Variants in ZDHHC13 observed in about 807,000 individuals in gnomAD.
The protein encoded by ZDHHC13 is palmitoyltransferase ZDHHC13.
ZDHHC13 carries 85 observed loss-of-function variants against 86.0 expected under a neutral mutation model. The ratio of observed to expected loss-of-function variants is 0.99; its 90% confidence interval spans 0.83 to 1.18. The LOEUF (loss-of-function observed/expected upper bound fraction) is 1.18, where lower values mean the gene tolerates loss of function less well. ZDHHC13 is among the 50% of genes most tolerant of loss of function. The pLI is 0.00. For synonymous variants in ZDHHC13, 263 were observed against 246.4 expected, an observed-to-expected ratio of 1.07 and a Z score of -0.63; for missense variants, 711 against 730.2, an observed-to-expected ratio of 0.97 and a Z score of 0.30.
intron 8 of ZDHHC13, among the ~76,000 whole-genome samples, chr11:19,153,559 C>T (rs1035351794): frequency 6.6e-6 from 1 of 152,170 alleles, no homozygotes; most frequent in Non-Finnish European, 1.5e-5. Flanking sequence ...GGTTATTCCT[C>T]AGTCTCCTTT....
intron 2 of ZDHHC13, 28 bp downstream of exon 2, chr11:19,143,151 C>T (rs1849369895): frequency 1.9e-6 from 3 of 1,594,660 alleles, no homozygotes; most frequent in Non-Finnish European, 2.6e-6. Flanking sequence ...TTTGGTTTAT[C>T]CTTATGTTCT....
intron 1 of ZDHHC13, among the ~76,000 whole-genome samples, chr11:19,126,331 C>CT (rs1848874902): frequency 8.9e-6 from 1 of 111,802 alleles, no homozygotes; most frequent in Non-Finnish European, 2.0e-5. Context: ...TTCTTTTTTT[C>CT]TTTTCTTTTT....
intron 1 of ZDHHC13, among the ~76,000 whole-genome samples, chr11:19,122,184 C>T (rs559028740): frequency 6.6e-6 from 1 of 152,256 alleles, no homozygotes; most frequent in African/African-American, 2.4e-5. Context: ...TAGGATTTGA[C>T]ATGTATTTCT....
intron 1 of ZDHHC13, among the ~76,000 whole-genome samples, chr11:19,124,761 G>GT (rs781053936): frequency 8.1e-6 from 1 of 123,660 alleles, no homozygotes; most frequent in Non-Finnish European, 2.0e-5. Context: ...CTGCGTGTGT[G>GT]TGGGGGGGTA....
At chr11:19,155,743 G>A (rs566518872) in intron 8 of ZDHHC13, 53 bp from the exon 9 acceptor site, 36 of 1,576,472 alleles carry the variant, frequency 2.3e-5, no homozygotes, top group Middle Eastern at 1.8e-4. Flanking sequence ...ACTATTATTA[G>A]ATACTTAAGA....
intron 15 of ZDHHC13, 149 bp from the exon 16 acceptor site, chr11:19,172,574 T>G (rs1326517469): frequency 7.4e-6 from 4 of 537,280 alleles, no homozygotes; most frequent in Non-Finnish European, 1.3e-5. Flanking sequence ...GTTCTTTACT[T>G]CTGATTAACT....
intron 12 of ZDHHC13, 57 bp downstream of exon 12, chr11:19,164,420 C>T (rs1850000102): frequency 1.3e-6 from 2 of 1,507,158 alleles, no homozygotes; most frequent in Non-Finnish European, 1.8e-6. Flanking sequence ...GGTAACGTTG[C>T]TGATGTAAGC....
At chr11:19,121,332 G>A (rs1310042409) in intron 1 of ZDHHC13, among the ~76,000 whole-genome samples, 2 of 152,122 alleles carry the variant, frequency 1.3e-5, no homozygotes, top group East Asian at 3.9e-4. Flanking sequence ...GGAGTAGTCT[G>A]TATTTTACTC....
At chr11:19,148,624 A>T (rs1201147438) in intron 4 of ZDHHC13, 1 of 152,210 alleles carries the variant, frequency 6.6e-6, no homozygotes, top group African/African-American at 2.4e-5. Flanking sequence ...TGTGAAGGTC[A>T]GGTTTAGGGT....
intron 14 of ZDHHC13, chr11:19,168,272 C>G (rs1359759687): frequency 1.3e-5 from 2 of 152,150 alleles, no homozygotes; most frequent in East Asian, 3.9e-4. Context: ...TGGACTGGAT[C>G]CTATGGGAGA....
Position 19,147,636 on chromosome 11 carries a change from G to A in ZDHHC13, c.337G>A (p.Gly113Arg), listed in dbSNP as rs1836329497. The A allele has an allele frequency of 6.2e-7, 1 of 1,602,808 alleles. No homozygotes were observed. The stretch of plus-strand genomic sequence containing the variant: ...AGGTGCTGTTGTAGATCAGTTGGGT[G>A]GAGATTTAAATTCAACTCCTCTTCA... ...SKGAVVDQLG[G>R]DLNSTPLHWA... The change falls in exon 4 of 17, where the codon GGA becomes AGA. Residue 113 changes from glycine to arginine, a missense_variant. Gly to Arg is a moderately radical substitution (Grantham distance 125, BLOSUM62 -2). Transcript: ENST00000446113.
chr11:19,134,741 A>G (rs943842264), intron 1 of ZDHHC13, among the ~76,000 whole-genome samples: 2 of 152,260 alleles, frequency 1.3e-5, no homozygotes, highest in South Asian at 2.1e-4. Flanking sequence ...TAGCATTAGG[A>G]GGAATACGTA....
chr11:19,126,334 TTC>T (rs1848875067), intron 1 of ZDHHC13, among the ~76,000 whole-genome samples: 1 of 87,382 alleles, frequency 1.1e-5, no homozygotes, highest in Non-Finnish European at 2.8e-5. Flanking sequence ...TTTTTTTCTT[TTC>T]TTTTTCTTTT....
chr11:19,141,835 A>G (rs1029442398), intron 1 of ZDHHC13, among the ~76,000 whole-genome samples: 2 of 152,130 alleles, frequency 1.3e-5, no homozygotes, highest in Non-Finnish European at 2.9e-5. Flanking sequence ...GCTGCTTCTA[A>G]TAGGTGATCC....
At position 19,127,828 on chromosome 11, in the gene ZDHHC13, C is replaced by T. The variant is rs529913133; in HGVS notation, c.27+10552C>T. 3.9e-5 allele frequency among the ~76,000 whole-genome samples: 6 copies of T among 152,246 alleles called. No individual in the cohort carries two copies. In the South Asian group the frequency reaches 1.2e-3, roughly 32 times the overall value. On this transcript the variant is annotated intron_variant, in intron 1 of 16. Coordinates refer to ENST00000446113, the MANE Select transcript of ZDHHC13 (RefSeq NM_019028.3). ...ATCTATGTGTCTGTTTTTGTACTGA[C>T]ATCATGCTGTTTTGGTTATTGTAGT...
At chr11:19,170,367 T>A in intron 14 of ZDHHC13, 44 bp from the exon 15 acceptor site, 1 of 1,481,858 alleles carries the variant, frequency 6.7e-7, no homozygotes, top group Non-Finnish European at 8.9e-7. Flanking sequence ...TGATAAGTAG[T>A]TTATTGCCTT....
intron 14 of ZDHHC13, chr11:19,168,872 C>G (rs1256057728): frequency 1.0e-6 from 1 of 985,272 alleles, no homozygotes; most frequent in East Asian, 1.1e-4. Flanking sequence ...TGTCAGCATC[C>G]TACAAGTTAC....
chr11:19,119,136 G>C (rs1036830928), intron 1 of ZDHHC13, among the ~76,000 whole-genome samples: 1 of 151,990 alleles, frequency 6.6e-6, no homozygotes, highest in Non-Finnish European at 1.5e-5. Flanking sequence ...TTTTCAGACA[G>C]AGTCTTGCTC....
At chr11:19,172,694 G>A (rs1054656564) in intron 15 of ZDHHC13, 29 bp from the exon 16 acceptor site, 2 of 1,543,198 alleles carry the variant, frequency 1.3e-6, no homozygotes, top group Non-Finnish European at 1.8e-6. Context: ...CACACTGAAT[G>A]TGTGCAACCT....
Sources: allele counts gnomAD v4.1 joint callset (sites outside exome capture counted in the v4.1 genomes callset), GRCh38; gene constraint gnomAD v4.1.1; transcripts MANE v1.5; gene names NCBI Gene and HGNC (gene_info 2026-07-23, HGNC 2026-07-21).